C5orf22: variants seen among roughly 807,000 people sequenced by gnomAD.
C5orf22 encodes UPF0489 protein C5orf22.
Under a neutral mutation model 48.7 loss-of-function variants are expected in C5orf22, and 36 were observed. That is an observed-to-expected ratio of 0.74 (90% CI 0.57 to 0.98). The LOEUF (loss-of-function observed/expected upper bound fraction) is 0.98. Ranked by LOEUF, C5orf22 falls within the 50% of genes least tolerant of loss-of-function variation. The pLI is 0.00. For synonymous variants in C5orf22, 141 were observed against 180.8 expected (o/e 0.78, Z 1.76); for missense variants, 486 against 521.9 (o/e 0.93, Z 0.67).
chr5:31,542,880 A>G (rs1316098112), intron 6 of C5orf22, among the ~76,000 whole-genome samples: 1 of 152,224 alleles, frequency 6.6e-6, no homozygotes, highest in Non-Finnish European at 1.5e-5. Flanking sequence ...AAAGAAAATC[A>G]GTTGTAAGGT....
rs1396927986 is a variant in C5orf22 at position 31,554,519 on chromosome 5, C to CA, written c.*1623dup. 1 of 151,966 alleles carries CA rather than the reference C, an allele frequency of 6.6e-6. No homozygotes were observed. The highest frequency in any genetic ancestry group is 1.5e-5 in the Non-Finnish European group (1 of 67,984). The allele number at this position is 151,966 out of a possible 1,614,324, so 9.4% of individuals were successfully genotyped here. On this transcript the variant is annotated 3_prime_UTR_variant, in exon 9 of 9. Transcript: ENST00000325366. ...TCCATTTTCATAGGATAATATGTGC[C>CA]AAAAAAGGTTTATTTTCTTGGTAAA...
chr5:31,553,949 T>C lies in C5orf22; in HGVS notation c.*1047T>C, dbSNP rs1051158791. Reference sequence around the variant, plus strand: ...TTTTTTCAGATAAACCAGCTTTTTATGTAAAGAGTAAGGGAAAAAGTTAAA... The same window carrying C: ...TTTTTTCAGATAAACCAGCTTTTTACGTAAAGAGTAAGGGAAAAAGTTAAA... On this transcript the variant is annotated 3_prime_UTR_variant, in exon 9 of 9. Coordinates refer to ENST00000325366, the MANE Select transcript of C5orf22 (RefSeq NM_018356.3). 12 of 152,304 alleles carry C rather than the reference T, an allele frequency of 7.9e-5. No individual in the cohort carries two copies. The highest frequency in any genetic ancestry group is 2.9e-4 in the African/African-American group (12 of 41,582). The allele number at this position is 152,304 out of a possible 1,614,324, so 9.4% of individuals were successfully genotyped here. A position where few individuals can be genotyped will look rare whatever the true frequency, so the allele number is the denominator to read the frequency against.
At chr5:31,548,429 G>A (rs1333065616) in intron 7 of C5orf22, 1 of 324,604 alleles carries the variant, frequency 3.1e-6, no homozygotes, top group Non-Finnish European at 6.1e-6. Flanking sequence ...CATCTCTAGG[G>A]CAGGGGCAAA....
Position 31,551,301 on chromosome 5 carries a change from G to A in C5orf22, c.1068G>A (p.Gln356=), listed in dbSNP as rs1423661975. Residue 356 remains glutamine, a synonymous_variant, in exon 8 of 9, where the codon CAG becomes CAA. Transcript: ENST00000325366. ...AATTGTCTTATTTTCAGGTTCACCA[G>A]GCTGGTTTAACCTGCGATTATTCAG... ...MEVPDYEMVH[Q]AGLTCDYSEL... The A allele has an allele frequency of 1.2e-6, 2 of 1,612,930 alleles. No homozygotes were observed. Among genetic ancestry groups the A allele is most frequent in the African/African-American group, 1.3e-5 (1 of 75,002 alleles).
intron 4 of C5orf22, among the ~76,000 whole-genome samples, chr5:31,538,955 A>G (rs1447510847): frequency 6.6e-6 from 1 of 152,160 alleles, no homozygotes; most frequent in East Asian, 1.9e-4. Flanking sequence ...TGCATTTATT[A>G]ATTGGGGTAA....
chr5:31,544,994 G>A (rs1443561010), intron 6 of C5orf22, among the ~76,000 whole-genome samples: 3 of 131,184 alleles, frequency 2.3e-5, no homozygotes, highest in Non-Finnish European at 4.9e-5. Context: ...TTTTTTTTTA[G>A]CTTTCAGGAA....
chr5:31,547,844 G>A (rs575122903), intron 7 of C5orf22, among the ~76,000 whole-genome samples: 1 of 152,332 alleles, frequency 6.6e-6, no homozygotes, highest in East Asian at 1.9e-4. Flanking sequence ...ACATGCCCCA[G>A]ATACATTTTC....
At chr5:31,533,504 A>G in intron 1 of C5orf22, among the ~76,000 whole-genome samples, 1 of 152,170 alleles carries the variant, frequency 6.6e-6, no homozygotes, top group East Asian at 1.9e-4. Flanking sequence ...GGTGACAGCT[A>G]ATAGGAGAGG....
intron 7 of C5orf22, chr5:31,548,712 C>T (rs1371922463): frequency 2.9e-6 from 1 of 346,440 alleles, no homozygotes; most frequent in Admixed American, 3.3e-5. Flanking sequence ...GTGCTCCACT[C>T]TACTGGTACC....
At chr5:31,537,736 A>G (rs1442318167) in intron 3 of C5orf22, among the ~76,000 whole-genome samples, 1 of 152,228 alleles carries the variant, frequency 6.6e-6, no homozygotes, top group Non-Finnish European at 1.5e-5. Context: ...TTTTTTGGAT[A>G]AAGATTCAGC....
At chr5:31,539,315 C>G (rs1257467425) in intron 4 of C5orf22, among the ~76,000 whole-genome samples, 1 of 152,096 alleles carries the variant, frequency 6.6e-6, no homozygotes, top group African/African-American at 2.4e-5. Flanking sequence ...ACAGGAGGTC[C>G]CAGAACCAAT....
intron 8 of C5orf22, among the ~76,000 whole-genome samples, chr5:31,552,556 G>C (rs1343903641): frequency 6.6e-6 from 1 of 152,174 alleles, no homozygotes; most frequent in Non-Finnish European, 1.5e-5. Flanking sequence ...GATAGTAATT[G>C]TGCCTATTTC....
At chr5:31,544,332 C>A (rs184349856) in intron 6 of C5orf22, among the ~76,000 whole-genome samples, 1 of 152,272 alleles carries the variant, frequency 6.6e-6, no homozygotes, top group East Asian at 1.9e-4. Context: ...GCCTGTAATC[C>A]CAGCACTTTG....
chr5:31,539,280 TGAGCATCCACA>T (rs1742305553), intron 4 of C5orf22, among the ~76,000 whole-genome samples: 1 of 152,188 alleles, frequency 6.6e-6, no homozygotes, highest in African/African-American at 2.4e-5. Flanking sequence ...GTCAGGGACT[TGAGCATCCACA>T]GATTTTGGTA....
intron 4 of C5orf22, 93 bp downstream of exon 4, chr5:31,538,782 C>A (rs1406972640): frequency 4.3e-6 from 4 of 930,492 alleles, no homozygotes; most frequent in African/African-American, 1.7e-5. Context: ...AGCCAGCTAG[C>A]AATTATTTTA....
chr5:31,553,449 A>G lies in C5orf22; in HGVS notation c.*547A>G, dbSNP rs914656368. 3.3e-5 allele frequency: 5 copies of G among 151,352 alleles called. No individual in the cohort carries two copies. Among genetic ancestry groups the G allele is most frequent in the East Asian group, 1.9e-4 (1 of 5,168 alleles). 9.4% of individuals were successfully genotyped at this position (151,352 alleles called of 1,614,324 possible). On this transcript the variant is annotated 3_prime_UTR_variant, in exon 9 of 9. Coordinates refer to ENST00000325366, the MANE Select transcript of C5orf22 (RefSeq NM_018356.3). ...TATCATGGCTTTATAGGAAAGTAAC[A>G]TTCTCTATCTTTTTTTTTTTTTTTA...
Position 31,551,385 on chromosome 5 carries a change from T to G in C5orf22, c.1152T>G (p.His384Gln). 6.2e-7 allele frequency: 1 copy of G among 1,613,530 alleles called. No individual in the cohort carries two copies. The highest frequency in any genetic ancestry group is 8.5e-7 in the Non-Finnish European group (1 of 1,179,866). ...QEIECLIQSVHYLLKNLPNPT... is the reference protein window; with the variant it reads ...QEIECLIQSVQYLLKNLPNPT... The stretch of plus-strand genomic sequence containing the variant: ...TAGAGTGTCTTATTCAATCTGTGCA[T>G]TATTTGCTGAAAAATTTACCAAATC... The change falls in exon 8 of 9, where the codon CAT (histidine) becomes CAG (glutamine). Residue 384 changes from histidine to glutamine, a missense_variant. His to Gln is a conservative substitution (Grantham distance 24). Transcript: ENST00000325366.
chr5:31,541,251 T>G lies in C5orf22; in HGVS notation c.871-30T>G, dbSNP rs1183153480. Reference sequence around the variant, plus strand: ...TGCTTGTTTTTTGAAAGAATAACTATATAATCTCAGCTTTTCAATGTATTT... The same window carrying G: ...TGCTTGTTTTTTGAAAGAATAACTAGATAATCTCAGCTTTTCAATGTATTT... On this transcript the variant is annotated intron_variant, in intron 5 of 8. Coordinates refer to ENST00000325366, the MANE Select transcript of C5orf22 (RefSeq NM_018356.3). 3 of 1,601,460 alleles carry G rather than the reference T, an allele frequency of 1.9e-6. No homozygotes were observed. The Admixed American group carries it at 5.1e-5, about 27-fold the overall frequency.
chr5:31,534,171 T>C, intron 1 of C5orf22, 101 bp from the exon 2 acceptor site: 1 of 1,030,122 alleles, frequency 9.7e-7, no homozygotes, highest in Non-Finnish European at 1.4e-6. Flanking sequence ...ATAGTATGCT[T>C]TCAATTATGT....
Sources: allele counts gnomAD v4.1 joint callset (sites outside exome capture counted in the v4.1 genomes callset), GRCh38; gene constraint gnomAD v4.1.1; transcripts MANE v1.5; gene names NCBI Gene and HGNC (gene_info 2026-07-23, HGNC 2026-07-21).